Variants in MOXD1 observed in about 807,000 individuals in gnomAD.
MOXD1 encodes the protein DBH-like monooxygenase protein 1.
Under a neutral mutation model 66.6 loss-of-function variants are expected in MOXD1, and 62 were observed. That is an observed-to-expected ratio of 0.93 (90% CI 0.76 to 1.15). The LOEUF (loss-of-function observed/expected upper bound fraction) is 1.15, where lower values mean the gene tolerates loss of function less well. MOXD1 is among the 50% of genes most tolerant of loss of function. The probability of loss-of-function intolerance (pLI) is 0.00; values close to 1 mark genes in which losing one functional copy is unlikely to be tolerated. For missense variants in MOXD1, 847 were observed against 754.6 expected (o/e 1.12, Z -1.44); for synonymous variants, 303 against 281.9 (o/e 1.07, Z -0.75).
chr6:132,328,370 T>C, intron 5 of MOXD1, 45 bp downstream of exon 5: 1 of 1,581,268 alleles, frequency 6.3e-7, no homozygotes, highest in Non-Finnish European at 8.6e-7. Context: ...TGGCGGGAAA[T>C]ATGATCAGTT....
chr6:132,374,918 C>A, intron 1 of MOXD1, 141 bp from the exon 2 acceptor site: 1 of 811,648 alleles, frequency 1.2e-6, no homozygotes, highest in Non-Finnish European at 1.9e-6. Flanking sequence ...AGTATTCCAA[C>A]TGGGGAATCA....
At chr6:132,312,610 CTTTTTTCTTTTTT>C (rs1774854979) in intron 10 of MOXD1, among the ~76,000 whole-genome samples, 1 of 131,738 alleles carries the variant, frequency 7.6e-6, no homozygotes, top group Admixed American at 7.5e-5. Context: ...TTTTTTTTTT[CTTTTTTCTTTTTT>C]TTGGCAGGGG....
At chr6:132,301,198 TTA>T (rs34981314) in intron 10 of MOXD1, among the ~76,000 whole-genome samples, 14,999 of 145,724 alleles carry the variant, frequency 0.1, 861 homozygotes, top group Middle Eastern at 0.14. Flanking sequence ...ACGAATGGTA[TTA>T]TATATATATA....
intron 4 of MOXD1, among the ~76,000 whole-genome samples, chr6:132,349,380 T>TAC (rs1775737248): frequency 4.4e-5 from 4 of 90,928 alleles, no homozygotes; most frequent in Non-Finnish European, 8.6e-5. Context: ...TATATATACA[T>TAC]GTATATATAT....
At position 132,322,812 on chromosome 6, in the gene MOXD1, T is replaced by C; in HGVS notation, c.1172A>G (p.His391Arg). 1 of 1,614,134 alleles carries C rather than the reference T, an allele frequency of 6.2e-7. No homozygotes were observed. Reference protein sequence around the residue: ...IHVFAVLLHAHLAGRGIRLRH... With the variant: ...IHVFAVLLHARLAGRGIRLRH... Reference sequence around the variant, plus strand: ...CAGCCTGATGCCTCTGCCAGCCAGGTGAGCATGGAGAAGAACAGCAAACAC... The same window carrying C: ...CAGCCTGATGCCTCTGCCAGCCAGGCGAGCATGGAGAAGAACAGCAAACAC... The change falls in exon 8 of 12, where the codon CAC becomes CGC. Residue 391 changes from histidine to arginine, a missense_variant. Transcript: ENST00000367963.
chr6:132,306,870 T>C (rs1477983906), intron 10 of MOXD1, among the ~76,000 whole-genome samples: 2 of 152,026 alleles, frequency 1.3e-5, no homozygotes, highest in Non-Finnish European at 2.9e-5. Context: ...AAGCACTAAA[T>C]ATGGAAAGGA....
At chr6:132,387,564 G>A (rs936229661) in intron 1 of MOXD1, among the ~76,000 whole-genome samples, 5 of 150,318 alleles carry the variant, frequency 3.3e-5, no homozygotes, top group African/African-American at 1.2e-4. Context: ...GACCAGCCTG[G>A]CCAACAAGGT....
rs766530748 is a variant in MOXD1, at chr6:132,401,274, G to A, written c.153C>T (p.Arg51=). The part of the protein sequence containing the change: ...WSQRGSQIAF[R]LQVRTAGYVG... ...CGTAGCCTGCAGTGCGCACCTGGAG[G>A]CGGAAGGCGATCTGGCTGCCCCGCT... The change falls in exon 1 of 12, where the codon CGC becomes CGT. Residue 51 remains arginine (R), a synonymous_variant. Coordinates refer to ENST00000367963, the MANE Select transcript of MOXD1 (RefSeq NM_015529.4). 10 of 1,598,206 alleles carry A rather than the reference G, an allele frequency of 6.3e-6. No homozygotes were observed. Among genetic ancestry groups the A allele is most frequent in the Non-Finnish European group, 7.6e-6 (9 of 1,177,708 alleles).
intron 4 of MOXD1, among the ~76,000 whole-genome samples, chr6:132,364,839 G>A (rs150677338): frequency 1.3e-5 from 2 of 152,164 alleles, no homozygotes; most frequent in Admixed American, 6.5e-5. Context: ...ATGTACAGAC[G>A]GAACCTAAGG....
At chr6:132,398,934 T>TCA (rs60751550) in intron 1 of MOXD1, among the ~76,000 whole-genome samples, 29,341 of 73,348 alleles carry the variant, frequency 0.4, 4,764 homozygotes, top group East Asian at 0.77. Context: ...AGAGACTTTG[T>TCA]CAAAAAAAAA....
At chr6:132,380,451 GA>G (rs1776485417) in intron 1 of MOXD1, among the ~76,000 whole-genome samples, 1 of 152,030 alleles carries the variant, frequency 6.6e-6, no homozygotes, top group South Asian at 2.1e-4. Context: ...ATTCAACTAA[GA>G]TATCTTCTCC....
rs1562298537 is a variant in MOXD1 at position 132,382,114 on chromosome 6, A to C, written c.265-7337T>G. ...ATATCACAGTCATTATAAAAATGTA[A>C]TTGTATAATATACGTATTTAACATA... On this transcript the variant is annotated intron_variant, in intron 1 of 11. Coordinates refer to ENST00000367963, the MANE Select transcript of MOXD1 (RefSeq NM_015529.4). Among the ~76,000 whole-genome samples the C allele has an allele frequency of 2.6e-5, 4 of 152,112 alleles. 1 individual carries two copies. The highest frequency in any genetic ancestry group is 9.7e-5 in the African/African-American group (4 of 41,448).
rs577170165 is a variant in MOXD1 at position 132,308,003 on chromosome 6, G to T, written c.1508+7632C>A. 2.7e-5 allele frequency among the ~76,000 whole-genome samples: 4 copies of T among 146,566 alleles called. No individual in the cohort carries two copies. The South Asian group carries it at 6.5e-4, about 24-fold the overall frequency. ...TAATCCAAAAGCTAGCAGAAGACAAGAAATAACTAAAATCAGAAAAGAATT... is the reference window on the plus strand; with the variant it reads ...TAATCCAAAAGCTAGCAGAAGACAATAAATAACTAAAATCAGAAAAGAATT... On this transcript the variant is annotated intron_variant, in intron 10 of 11. Coordinates refer to ENST00000367963, the MANE Select transcript of MOXD1 (RefSeq NM_015529.4).
At chr6:132,386,640 T>G (rs1479294982) in intron 1 of MOXD1, among the ~76,000 whole-genome samples, 1 of 151,368 alleles carries the variant, frequency 6.6e-6, no homozygotes, top group East Asian at 1.9e-4. Flanking sequence ...CAAAGTAATT[T>G]TAGCATCACA....
intron 1 of MOXD1, among the ~76,000 whole-genome samples, chr6:132,397,198 C>A (rs1475967878): frequency 6.6e-6 from 1 of 152,252 alleles, no homozygotes; most frequent in Non-Finnish European, 1.5e-5. Context: ...GGAAACAAGG[C>A]TTCATATTCT....
intron 4 of MOXD1, among the ~76,000 whole-genome samples, chr6:132,351,126 C>T (rs555206087): frequency 2.0e-5 from 3 of 152,060 alleles, no homozygotes; most frequent in Admixed American, 6.6e-5. Context: ...TTTGGATGCC[C>T]TTTATTTCTT....
At chr6:132,376,434 C>A (rs1209944845) in intron 1 of MOXD1, among the ~76,000 whole-genome samples, 1 of 151,690 alleles carries the variant, frequency 6.6e-6, no homozygotes, top group Non-Finnish European at 1.5e-5. Context: ...TATGTTAAAA[C>A]CCCAAATTGT....
intron 10 of MOXD1, among the ~76,000 whole-genome samples, chr6:132,309,444 C>T (rs681608): frequency 0.18 from 26,859 of 152,148 alleles, 2,501 homozygotes; most frequent in Non-Finnish European, 0.21. Flanking sequence ...GGTCATACTG[C>T]CCAACGTAAT....
chr6:132,315,679 T>C lies in MOXD1; in HGVS notation c.1464A>G (p.Glu488=), dbSNP rs2114556753. Residue 488 remains glutamate, a synonymous_variant, in exon 10 of 12, where the codon GAA becomes GAG. Transcript: ENST00000367963. ...TRCASIPDIM[E]QLQFIGVKEI... ...CCTTAACCCCAATGAACTGAAGTTG[T>C]TCCATAATGTCTGGAATACTTGCAC... 3 of 1,613,640 alleles carry C rather than the reference T, an allele frequency of 1.9e-6. No homozygotes were observed. Among genetic ancestry groups the C allele is most frequent in the Non-Finnish European group, 1.7e-6 (2 of 1,179,666 alleles).
Sources: allele counts gnomAD v4.1 joint callset (sites outside exome capture counted in the v4.1 genomes callset), GRCh38; gene constraint gnomAD v4.1.1; transcripts MANE v1.5; gene names NCBI Gene and HGNC (gene_info 2026-07-23, HGNC 2026-07-21).